The following DOCK8 variants were observed in gnomAD, a reference collection of about 807,000 sequenced individuals.
The protein encoded by DOCK8 is dedicator of cytokinesis 8.
DOCK8 carries 141 observed loss-of-function variants against 245.6 expected under a neutral mutation model. The observed-to-expected ratio is 0.57, with a 90% confidence interval of 0.50 to 0.66. The LOEUF (loss-of-function observed/expected upper bound fraction) is 0.66, where lower values mean the gene tolerates loss of function less well. Ranked by LOEUF, DOCK8 falls within the 30% of genes least tolerant of loss-of-function variation. DOCK8 has a pLI of 0.00. For missense variants in DOCK8, 2,965 were observed against 2,603.4 expected, an observed-to-expected ratio of 1.14 and a Z score of -3.02; for synonymous variants, 1,168 against 970.2, an observed-to-expected ratio of 1.20 and a Z score of -3.79.
At chr9:455,850 C>CA (rs61661895) in intron 46 of DOCK8, among the ~76,000 whole-genome samples, 12 of 148,156 alleles carry the variant, frequency 8.1e-5, no homozygotes, top group Admixed American at 1.3e-4. Context: ...TATGTGAGAA[C>CA]AAAAAAAAAA....
chr9:224,336 T>C (rs1303857660), intron 1 of DOCK8, among the ~76,000 whole-genome samples: 2 of 152,220 alleles, frequency 1.3e-5, no homozygotes, highest in African/African-American at 4.8e-5. Context: ...CGATAACATG[T>C]TAATTTTTAA....
At chr9:393,967 A>G (rs1344530096) in intron 24 of DOCK8, among the ~76,000 whole-genome samples, 4 of 152,176 alleles carry the variant, frequency 2.6e-5, no homozygotes, top group Non-Finnish European at 5.9e-5. Flanking sequence ...TAAAGAATCA[A>G]GAGTATAGCA....
In DOCK8 at chr9:432,237, T is replaced by C; in HGVS notation, c.4698T>C (p.Asn1566=). ...TGGTGGGAAGAGCACCAGACTTTAATGAAGAGCACCTGAGAAGATCCTTGA... is the reference window on the plus strand; with the variant it reads ...TGGTGGGAAGAGCACCAGACTTTAACGAAGAGCACCTGAGAAGATCCTTGA... ...ASLVGRAPDF[N]EEHLRRSLRT... Residue 1566 remains asparagine, a synonymous_variant, in exon 37 of 48, where the codon AAT becomes AAC. Coordinates refer to ENST00000432829, the MANE Select transcript of DOCK8 (RefSeq NM_203447.4). 1 of 1,613,916 alleles carries C rather than the reference T, an allele frequency of 6.2e-7. No individual in the cohort carries two copies. The highest frequency in any genetic ancestry group is 8.5e-7 in the Non-Finnish European group (1 of 1,179,960).
intron 14 of DOCK8, among the ~76,000 whole-genome samples, chr9:351,401 G>A (rs1020304786): frequency 2.0e-5 from 3 of 152,212 alleles, no homozygotes; most frequent in Non-Finnish European, 4.4e-5. Flanking sequence ...CCAGTAGGGA[G>A]TGCCTTTCTC....
intron 45 of DOCK8, among the ~76,000 whole-genome samples, chr9:451,494 A>G (rs2057436065): frequency 6.6e-6 from 1 of 151,788 alleles, no homozygotes; most frequent in South Asian, 2.1e-4. Context: ...ATAGTGGCAC[A>G]CACCTGTAGT....
chr9:403,978 G>GTATATATATATGTGTA (rs2055290402), intron 26 of DOCK8, among the ~76,000 whole-genome samples: 1 of 65,210 alleles, frequency 1.5e-5, no homozygotes, highest in Admixed American at 1.8e-4. Flanking sequence ...ATATATATGT[G>GTATATATATATGTGTA]TATATATATA....
chr9:262,999 G>T (rs989619194), intron 1 of DOCK8, among the ~76,000 whole-genome samples: 4 of 152,210 alleles, frequency 2.6e-5, no homozygotes, highest in Non-Finnish European at 5.9e-5. Context: ...CTGAGGTCAG[G>T]AGTTGAAGAC....
intron 18 of DOCK8, among the ~76,000 whole-genome samples, chr9:372,817 G>T (rs1488322233): frequency 1.3e-5 from 2 of 152,144 alleles, no homozygotes; most frequent in Non-Finnish European, 2.9e-5. Context: ...ATCAACTGAG[G>T]TCAGGATTTC....
At chr9:242,563 T>C (rs116978083) in intron 1 of DOCK8, among the ~76,000 whole-genome samples, 2,727 of 152,348 alleles carry the variant, frequency 0.018, 46 homozygotes, top group South Asian at 0.052. Flanking sequence ...ATAAGTCTTG[T>C]AATAGCCCAA....
intron 4 of DOCK8, among the ~76,000 whole-genome samples, chr9:297,661 G>T (rs1356108652): frequency 6.6e-6 from 1 of 152,106 alleles, no homozygotes; most frequent in Non-Finnish European, 1.5e-5. Flanking sequence ...CCCAGTGATG[G>T]TTCCTTCTGT....
intron 9 of DOCK8, among the ~76,000 whole-genome samples, chr9:330,652 G>A (rs1476751475): frequency 6.6e-6 from 1 of 152,054 alleles, no homozygotes; most frequent in Non-Finnish European, 1.5e-5. Context: ...AAATGGCCAT[G>A]AAATATGAAA....
intron 14 of DOCK8, among the ~76,000 whole-genome samples, chr9:355,725 T>C (rs970078426): frequency 2.6e-5 from 4 of 152,146 alleles, no homozygotes; most frequent in Non-Finnish European, 5.9e-5. Context: ...GCTGTACATA[T>C]GAAGGAATGG....
In DOCK8 at chr9:446,483, G is replaced by A. The variant is rs755218131; in HGVS notation, c.5694G>A (p.Pro1898=). ...TCCGGAGGTTCATGTACACCACCCC[G>A]TTCACCCTGGAGGGGCGGCCTCGGG... The part of the protein sequence containing the change: ...FNLRRFMYTT[P]FTLEGRPRGE... Residue 1898 remains proline (P), a synonymous_variant, in exon 44 of 48, where the codon CCG becomes CCA. Coordinates refer to ENST00000432829, the MANE Select transcript of DOCK8 (RefSeq NM_203447.4). 2.4e-5 allele frequency: 39 copies of A among 1,614,168 alleles called. No individual in the cohort carries two copies. The highest frequency in any genetic ancestry group is 6.7e-5 in the Admixed American group (4 of 60,022).
chr9:384,112 TTTCTTTG>T (rs2053844554), intron 22 of DOCK8, among the ~76,000 whole-genome samples: 1 of 152,240 alleles, frequency 6.6e-6, no homozygotes, highest in Non-Finnish European at 1.5e-5. Flanking sequence ...TTTCTTAGAC[TTTCTTTG>T]TTCTTCATGA....
rs1042790936 is a variant in DOCK8 at position 380,055 on chromosome 9, A to G, written c.2605+120A>G. 6.0e-5 allele frequency: 62 copies of G among 1,027,964 alleles called. No individual in the cohort carries two copies. The African/African-American group carries it at 6.3e-4, about 10-fold the overall frequency. 63.7% of individuals were successfully genotyped at this position (1,027,964 alleles called of 1,614,324 possible). On this transcript the variant is annotated intron_variant, in intron 21 of 47. Coordinates refer to ENST00000432829, the MANE Select transcript of DOCK8 (RefSeq NM_203447.4). The stretch of plus-strand genomic sequence containing the variant: ...TGCAGGGGCTCACATCTGCAACCCC[A>G]GCACTCTAGGAGGCTGAGATGGCAG...
At chr9:219,507 T>A (rs1265051840) in intron 1 of DOCK8, among the ~76,000 whole-genome samples, 4 of 151,882 alleles carry the variant, frequency 2.6e-5, no homozygotes, top group African/African-American at 9.7e-5. Context: ...AGGAACAAAG[T>A]ATTAGGCATA....
At chr9:352,552 G>A (rs1451159852) in intron 14 of DOCK8, among the ~76,000 whole-genome samples, 1 of 151,958 alleles carries the variant, frequency 6.6e-6, no homozygotes, top group East Asian at 1.9e-4. Context: ...AACCAGCCTG[G>A]CCAACATAGT....
Position 446,511 on chromosome 9 carries a change from G to A in DOCK8, c.5722G>A (p.Glu1908Lys). ...PFTLEGRPRGELHEQYRRNTV... is the reference protein window; with the variant it reads ...PFTLEGRPRGKLHEQYRRNTV... ...CACCCTGGAGGGGCGGCCTCGGGGA[G>A]AGCTGCATGAGCAGTACAGAAGGAA... Residue 1908 changes from glutamate (E) to lysine (K), a missense_variant, in exon 44 of 48, where the codon GAG becomes AAG. This residue lies in a region of DOCK8 where 2,825 missense variants were observed against 2,453.5 expected (regional missense o/e 1.15). Coordinates refer to ENST00000432829, the MANE Select transcript of DOCK8 (RefSeq NM_203447.4). 3 of 1,614,230 alleles carry A rather than the reference G, an allele frequency of 1.9e-6. No homozygotes were observed. The highest frequency in any genetic ancestry group is 2.5e-6 in the Non-Finnish European group (3 of 1,180,034).
Position 396,780 on chromosome 9 carries a change from C to T in DOCK8, c.2971-5C>T, listed in dbSNP as rs373718659. 59 of 1,614,120 alleles carry T rather than the reference C, an allele frequency of 3.7e-5. No homozygotes were observed. Among genetic ancestry groups the T allele is most frequent in the Admixed American group, 1.8e-4 (11 of 60,026 alleles). ...TGTTGACATTTCCTCCATCCCCCTC[C>T]GCAGGTGAAAAGCATGGCCCAGCAC... On this transcript the variant is annotated splice_region_variant and splice_polypyrimidine_tract_variant and intron_variant, in intron 24 of 47. Coordinates refer to ENST00000432829, the MANE Select transcript of DOCK8 (RefSeq NM_203447.4).
Sources: allele counts gnomAD v4.1 joint callset (sites outside exome capture counted in the v4.1 genomes callset), GRCh38; gene constraint gnomAD v4.1.1; regional missense constraint gnomAD v4.1.1; transcripts MANE v1.5; gene names NCBI Gene and HGNC (gene_info 2026-07-23, HGNC 2026-07-21).